Variants in CSGALNACT1 observed in about 807,000 individuals in gnomAD.
CSGALNACT1 encodes the protein beta4GalNAcT-1.
Under a neutral mutation model 51.0 loss-of-function variants are expected in CSGALNACT1, and 52 were observed. The ratio of observed to expected loss-of-function variants is 1.02; its 90% confidence interval spans 0.82 to 1.29. The LOEUF is 1.29. Among genes scored for constraint, CSGALNACT1 ranks in the 50% most tolerant of loss-of-function variants. CSGALNACT1 has a pLI of 0.00. For synonymous variants in CSGALNACT1, 341 were observed against 254.4 expected (o/e 1.34, Z -3.24); for missense variants, 935 against 679.2 (o/e 1.38, Z -4.19).
rs140452516 is a variant in CSGALNACT1, at chr8:19,508,057, C to G, written c.-296-1927G>C. Among the ~76,000 whole-genome samples the G allele has an allele frequency of 7.9e-3, 1,196 of 152,326 alleles. 14 individuals carry two copies. The highest frequency in any genetic ancestry group is 0.027 in the African/African-American group (1,128 of 41,584). On this transcript the variant is annotated intron_variant, in intron 3 of 9. Coordinates refer to ENST00000454498, the Ensembl canonical transcript of CSGALNACT1. The stretch of plus-strand genomic sequence containing the variant: ...ATAACTAAATTATTCTTTATATAGT[C>G]TTCACCCGACTCAGAAAGCCAGATT...
intron 1 of CSGALNACT1, among the ~76,000 whole-genome samples, chr8:19,731,910 C>T (rs974534935): frequency 6.6e-6 from 1 of 152,304 alleles, no homozygotes; most frequent in African/African-American, 2.4e-5. Flanking sequence ...AATAACCAAG[C>T]TGTCAGGCCG....
At chr8:19,688,669 G>C (rs1330503375) in intron 1 of CSGALNACT1, 2 of 152,160 alleles carry the variant, frequency 1.3e-5, no homozygotes, top group African/African-American at 4.8e-5. Flanking sequence ...AAAATAGATA[G>C]GAATATGAAA....
At chr8:19,756,007 T>G (rs2065349634) in intron 1 of CSGALNACT1, among the ~76,000 whole-genome samples, 1 of 152,160 alleles carries the variant, frequency 6.6e-6, no homozygotes, top group South Asian at 2.1e-4. Context: ...CAAAACGTGT[T>G]CAAGTCGCCT....
chr8:19,637,881 C>G (rs576275260), intron 1 of CSGALNACT1, among the ~76,000 whole-genome samples: 186 of 149,512 alleles, frequency 1.2e-3, no homozygotes, highest in African/African-American at 3.8e-3. Flanking sequence ...GAAGTGAGTG[C>G]CCAGCGCTGA....
chr8:19,464,831 G>T (rs1388485850), intron 4 of CSGALNACT1, among the ~76,000 whole-genome samples: 1 of 152,164 alleles, frequency 6.6e-6, no homozygotes, highest in Non-Finnish European at 1.5e-5. Flanking sequence ...TGCCAAGAAG[G>T]TTAGGGACTG....
At chr8:19,416,033 C>A (rs1474788776) in intron 8 of CSGALNACT1, among the ~76,000 whole-genome samples, 2 of 151,984 alleles carry the variant, frequency 1.3e-5, no homozygotes, top group African/African-American at 4.8e-5. Flanking sequence ...AACAACATTT[C>A]CGTCAACAAC....
chr8:19,737,159 T>G (rs1198986705), intron 1 of CSGALNACT1, among the ~76,000 whole-genome samples: 1 of 152,126 alleles, frequency 6.6e-6, no homozygotes, highest in African/African-American at 2.4e-5. Flanking sequence ...CTTTGAAAGC[T>G]TAGAATAAAA....
chr8:19,455,786 T>C (rs886155967), intron 5 of CSGALNACT1, among the ~76,000 whole-genome samples: 17 of 152,238 alleles, frequency 1.1e-4, no homozygotes, highest in Admixed American at 1.3e-4. Flanking sequence ...TTGTCCCCTG[T>C]CTGTATCTCT....
exon 4 of CSGALNACT1, chr8:19,506,023 T>C (rs1313899850): frequency 2.8e-6 from 2 of 720,562 alleles, no homozygotes; most frequent in Non-Finnish European, 4.9e-6. Flanking sequence ...TCTCTACTTT[T>C]AAAGGATGAT....
chr8:19,526,536 T>C (rs761509306), intron 3 of CSGALNACT1, among the ~76,000 whole-genome samples: 12 of 152,164 alleles, frequency 7.9e-5, no homozygotes, highest in Non-Finnish European at 8.8e-5. Flanking sequence ...TGAGCCAAGA[T>C]TGTGCCACTG....
intron 4 of CSGALNACT1, among the ~76,000 whole-genome samples, chr8:19,480,405 GTGGTC>G (rs1470014500): frequency 1.3e-5 from 2 of 152,148 alleles, no homozygotes; most frequent in Non-Finnish European, 2.9e-5. Context: ...TAGAGCTGGA[GTGGTC>G]TCCAGCTCCA....
intron 4 of CSGALNACT1, among the ~76,000 whole-genome samples, chr8:19,498,502 C>T (rs34645660): frequency 2.0e-5 from 3 of 152,168 alleles, no homozygotes; most frequent in Admixed American, 1.3e-4. Flanking sequence ...ATCTCCCCTC[C>T]TAAGCCTGCA....
intron 6 of CSGALNACT1, among the ~76,000 whole-genome samples, chr8:19,427,899 G>A (rs1353183279): frequency 6.6e-6 from 1 of 152,170 alleles, no homozygotes; most frequent in South Asian, 2.1e-4. Context: ...AAGTGAGGAA[G>A]GGAAGCCTTC....
intron 5 of CSGALNACT1, among the ~76,000 whole-genome samples, chr8:19,450,533 T>G (rs1456027490): frequency 6.6e-6 from 1 of 152,062 alleles, no homozygotes; most frequent in Non-Finnish European, 1.5e-5. Context: ...GGGTCCCACA[T>G]CAGCCAGGAC....
intron 1 of CSGALNACT1, among the ~76,000 whole-genome samples, chr8:19,676,083 T>TAAAAAAAAAAAAAAAAAAAAAAAA (rs1564404826): frequency 1.7e-5 from 1 of 59,098 alleles, no homozygotes; most frequent in African/African-American, 4.7e-5. Context: ...GTTGTCTGAT[T>TAAAAAAAAAAAAAAAAAAAAAAAA]TAAAAAACAA....
intron 1 of CSGALNACT1, among the ~76,000 whole-genome samples, chr8:19,655,999 A>T (rs1275865174): frequency 1.3e-5 from 2 of 152,154 alleles, no homozygotes; most frequent in African/African-American, 4.8e-5. Flanking sequence ...TATTTCAGTT[A>T]AACTTTGGAG....
intron 2 of CSGALNACT1, among the ~76,000 whole-genome samples, chr8:19,595,443 T>G (rs1220954021): frequency 6.6e-6 from 1 of 152,204 alleles, no homozygotes; most frequent in African/African-American, 2.4e-5. Context: ...ATACAACTCT[T>G]TATTAAAACA....
rs138794296 is a variant in CSGALNACT1, at chr8:19,648,415, T to C, written c.-544+34058A>G. 5.9e-4 allele frequency among the ~76,000 whole-genome samples: 90 copies of C among 152,318 alleles called. 1 individual carries two copies. The East Asian group carries it at 0.012, about 21-fold the overall frequency. Reference sequence around the variant, plus strand: ...AATATATAAAATTAGAGCCTACACTTTGACCATTTCTACATTCAATTTCTA... The same window carrying C: ...AATATATAAAATTAGAGCCTACACTCTGACCATTTCTACATTCAATTTCTA... On this transcript the variant is annotated intron_variant, in intron 1 of 9. Transcript: ENST00000332246.
At chr8:19,698,915 C>G (rs1321635725) in intron 1 of CSGALNACT1, among the ~76,000 whole-genome samples, 1 of 152,182 alleles carries the variant, frequency 6.6e-6, no homozygotes, top group Admixed American at 6.5e-5. Flanking sequence ...CATAAAATGC[C>G]ATAGGATTTG....
Sources: gnomAD v4.1 joint callset for allele counts (sites outside exome capture counted in the v4.1 genomes callset) on GRCh38, gnomAD v4.1.1 for gene constraint, MANE v1.5 for transcripts, NCBI Gene and HGNC (gene_info 2026-07-23, HGNC 2026-07-21) for gene names.